SMAD3: variants seen among roughly 807,000 people sequenced by gnomAD.
SMAD3 encodes MAD homolog 3.
Under a neutral mutation model 51.8 loss-of-function variants are expected in SMAD3, and 12 were observed. The observed-to-expected ratio is 0.23, with a 90% CI of 0.15 to 0.38. SMAD3 has a LOEUF of 0.38. Among genes scored for constraint, SMAD3 ranks in the 10% least tolerant of loss-of-function variants. SMAD3 has a pLI of 1.00. For synonymous variants in SMAD3, 238 were observed against 227.7 expected (o/e 1.05, Z -0.41); for missense variants, 294 against 565.6 (o/e 0.52, Z 4.87).
At chr15:67,184,185 T>G (rs1963158120) in intron 6 of SMAD3, among the ~76,000 whole-genome samples, 1 of 151,250 alleles carries the variant, frequency 6.6e-6, no homozygotes, top group Admixed American at 6.6e-5. Context: ...CACGGCAGTC[T>G]TGAACCCCTG....
chr15:67,168,866 C>T (rs1004032253), intron 4 of SMAD3, among the ~76,000 whole-genome samples: 1 of 152,152 alleles, frequency 6.6e-6, no homozygotes, highest in Admixed American at 6.5e-5. Context: ...AGTCCAGTTG[C>T]TCACGGGCTT....
chr15:67,170,816 G>C, intron 5 of SMAD3: 1 of 569,842 alleles, frequency 1.8e-6, no homozygotes, highest in South Asian at 2.2e-5. Flanking sequence ...ACAACCATAT[G>C]CCAGGTTTGT....
chr15:67,158,294 G>A (rs1962337734), intron 1 of SMAD3, among the ~76,000 whole-genome samples: 1 of 152,292 alleles, frequency 6.6e-6, no homozygotes, highest in South Asian at 2.1e-4. Context: ...ACTTTGGTAA[G>A]GATTGCTACA....
At position 67,192,319 on chromosome 15, in the gene SMAD3, G is replaced by T. The variant is rs890443089; in HGVS notation, c.*1783G>T. On this transcript the variant is annotated 3_prime_UTR_variant, in exon 9 of 9. Coordinates refer to ENST00000327367, the MANE Select transcript of SMAD3 (RefSeq NM_005902.4). ...GCCTCCTGAGGACACAGGAAGAGAC[G>T]GAAGGAGCACCTTGACAGACTTGTG... The T allele has an allele frequency of 8.6e-6, 2 of 233,044 alleles. No individual in the cohort carries two copies. The highest frequency in any genetic ancestry group is 1.7e-5 in the Non-Finnish European group (2 of 117,742). The allele number at this position is 233,044 out of a possible 1,614,324, so 14.4% of individuals were successfully genotyped here.
rs1305394529 is a variant in SMAD3, at chr15:67,165,325, A to G, written c.473A>G (p.His158Arg). The G allele has an allele frequency of 6.2e-7, 1 of 1,614,030 alleles. No homozygotes were observed. The highest frequency in any genetic ancestry group is 1.3e-5 in the African/African-American group (1 of 74,910). The change falls in exon 3 of 9, where the codon CAT (histidine) becomes CGT (arginine). Residue 158 changes from histidine (H) to arginine (R), a missense_variant. Transcript: ENST00000327367. ...TTCCCCCCACTGGACGACTACAGCCATTCCATCCCCGAAAACACTAACTTC... is the reference window on the plus strand; with the variant it reads ...TTCCCCCCACTGGACGACTACAGCCGTTCCATCCCCGAAAACACTAACTTC... ...AEFPPLDDYS[H>R]SIPENTNFPA...
At chr15:67,116,532 A>G (rs990671002) in intron 1 of SMAD3, among the ~76,000 whole-genome samples, 6 of 152,188 alleles carry the variant, frequency 3.9e-5, no homozygotes, top group African/African-American at 1.4e-4. Flanking sequence ...CTGAGCAAGT[A>G]CCTGGCTGGA....
chr15:67,147,324 ACT>A (rs1962005765), intron 1 of SMAD3, among the ~76,000 whole-genome samples: 1 of 151,380 alleles, frequency 6.6e-6, no homozygotes, highest in South Asian at 2.1e-4. Flanking sequence ...CACAGAAACC[ACT>A]CTGTTCTTTC....
intron 4 of SMAD3, 115 bp downstream of exon 4, chr15:67,166,968 T>C (rs913936163): frequency 7.0e-6 from 6 of 862,892 alleles, no homozygotes; most frequent in Non-Finnish European, 1.1e-5. Flanking sequence ...CTCTCTCCAG[T>C]ATTTGTAGAG....
chr15:67,102,855 C>T (rs1243492212), intron 1 of SMAD3, among the ~76,000 whole-genome samples: 1 of 152,192 alleles, frequency 6.6e-6, no homozygotes. Context: ...AGGTGAGGCT[C>T]ATCATAGCTC....
At chr15:67,078,694 T>C (rs1255691423) in intron 1 of SMAD3, among the ~76,000 whole-genome samples, 2 of 152,164 alleles carry the variant, frequency 1.3e-5, no homozygotes, top group Non-Finnish European at 2.9e-5. Context: ...ATGGGCTGTT[T>C]TTGAAAACAT....
intron 1 of SMAD3, chr15:67,098,652 TCTC>T: frequency 3.7e-6 from 2 of 543,976 alleles, no homozygotes; most frequent in Admixed American, 6.1e-5. Context: ...GCCGCGTTTT[TCTC>T]CTGCCACAGT....
chr15:67,081,330 G>A (rs1197635708), intron 1 of SMAD3, among the ~76,000 whole-genome samples: 1 of 152,080 alleles, frequency 6.6e-6, no homozygotes, highest in Non-Finnish European at 1.5e-5. Context: ...GGCTGGAAGC[G>A]GCTTTTGAGT....
intron 1 of SMAD3, among the ~76,000 whole-genome samples, chr15:67,150,925 G>A (rs1437557283): frequency 8.2e-6 from 1 of 122,278 alleles, no homozygotes; most frequent in Non-Finnish European, 1.6e-5. Flanking sequence ...GCACAATCTC[G>A]GCTCACTGCA....
chr15:67,076,653 C>A (rs1467822724), intron 1 of SMAD3, among the ~76,000 whole-genome samples: 1 of 152,234 alleles, frequency 6.6e-6, no homozygotes, highest in Non-Finnish European at 1.5e-5. Flanking sequence ...GGCCCTCCAC[C>A]TGGCTGTGCT....
chr15:67,075,697 C>T (rs1960152240), intron 1 of SMAD3, among the ~76,000 whole-genome samples: 1 of 152,134 alleles, frequency 6.6e-6, no homozygotes, highest in African/African-American at 2.4e-5. Context: ...GATGGATCAC[C>T]TGAGGTCAAG....
At chr15:67,079,393 G>C (rs904035064) in intron 1 of SMAD3, among the ~76,000 whole-genome samples, 1 of 152,166 alleles carries the variant, frequency 6.6e-6, no homozygotes, top group African/African-American at 2.4e-5. Context: ...AGAGACCTTA[G>C]AGACAATCAT....
intron 1 of SMAD3, among the ~76,000 whole-genome samples, chr15:67,126,389 G>A (rs558598132): frequency 1.2e-4 from 18 of 152,136 alleles, no homozygotes; most frequent in South Asian, 8.3e-4. Context: ...CTCCTAGCCC[G>A]TTACCACAGC....
chr15:67,149,505 A>C (rs1320824046), intron 1 of SMAD3, among the ~76,000 whole-genome samples: 1 of 152,194 alleles, frequency 6.6e-6, no homozygotes, highest in Non-Finnish European at 1.5e-5. Flanking sequence ...AGGCCGGCTT[A>C]ATCGAGGAGG....
At chr15:67,100,368 GA>G (rs1416032470) in intron 1 of SMAD3, among the ~76,000 whole-genome samples, 3 of 152,034 alleles carry the variant, frequency 2.0e-5, no homozygotes, top group Non-Finnish European at 2.9e-5. Context: ...GGATGGAGGA[GA>G]GGGGAATGGG....
Sources: allele counts gnomAD v4.1 joint callset (sites outside exome capture counted in the v4.1 genomes callset), GRCh38; gene constraint gnomAD v4.1.1; transcripts MANE v1.5; gene names NCBI Gene and HGNC (gene_info 2026-07-23, HGNC 2026-07-21).